The following EEF1E1 variants were observed in gnomAD, a reference collection of about 807,000 sequenced individuals.
EEF1E1 encodes eukaryotic translation elongation factor 1 epsilon-1.
A neutral mutation model predicts 19.9 loss-of-function variants in EEF1E1; 19 were observed. The observed-to-expected ratio is 0.95, with a 90% CI of 0.66 to 1.40. The LOEUF (loss-of-function observed/expected upper bound fraction) is 1.40, where lower values mean the gene tolerates loss of function less well. Among genes scored for constraint, EEF1E1 ranks in the 40% most tolerant of loss-of-function variants. The pLI is 0.00. For synonymous variants in EEF1E1, 81 were observed against 80.0 expected, an observed-to-expected ratio of 1.01 and a Z score of -0.07; for missense variants, 198 against 202.2, an observed-to-expected ratio of 0.98 and a Z score of 0.13.
At chr6:8,087,243 G>T (rs1757883694) in intron 3 of EEF1E1, among the ~76,000 whole-genome samples, 1 of 152,174 alleles carries the variant, frequency 6.6e-6, no homozygotes, top group African/African-American at 2.4e-5. Context: ...TTAAGACAGG[G>T]TTTCACTCTT....
Position 8,097,412 on chromosome 6 carries a change from G to T in EEF1E1, c.143C>A (p.Ala48Glu). ...GTTGGCTTGCTTGACTAGATGAGCT[G>T]CTATAGTAGTCAATCCTGTTAGACT... ...GPSLTGLTTI[A>E]AHLVKQANKE... is the part of the protein sequence containing the mutation. The change falls in exon 2 of 4, where the codon GCA becomes GAA. Residue 48 changes from alanine to glutamate, a missense_variant. Coordinates refer to ENST00000379715, the MANE Select transcript of EEF1E1 (RefSeq NM_004280.5). 1 of 1,614,098 alleles carries T rather than the reference G, an allele frequency of 6.2e-7. No individual in the cohort carries two copies. The highest frequency in any genetic ancestry group is 8.5e-7 in the Non-Finnish European group (1 of 1,180,016).
intron 1 of EEF1E1, chr6:8,102,105 G>A: frequency 8.0e-7 from 1 of 1,251,102 alleles, no homozygotes; most frequent in Non-Finnish European, 1.0e-6. Context: ...AAAAAAGCCA[G>A]TTACTGAATA....
At chr6:8,087,309 C>T (rs1330774340) in intron 3 of EEF1E1, among the ~76,000 whole-genome samples, 1 of 152,234 alleles carries the variant, frequency 6.6e-6, no homozygotes, top group African/African-American at 2.4e-5. Context: ...CCTCTTCCTC[C>T]TGGGTTCAAG....
Position 8,101,580 on chromosome 6 carries a change from T to C in EEF1E1, c.87+855A>G, listed in dbSNP as rs369692025. Among the ~76,000 whole-genome samples the C allele has an allele frequency of 2.4e-4, 36 of 151,474 alleles. No homozygotes were observed. The East Asian group carries it at 3.7e-3, about 16-fold the overall frequency. On this transcript the variant is annotated intron_variant, in intron 1 of 3. Transcript: ENST00000379715. ...AGACAAGATCTTCACATGGACCAAA[T>C]GAAGAAGAGAAAAAATTAAAGACAA... is the stretch of plus-strand genomic sequence containing the variant.
At chr6:8,089,781 G>C (rs1429665767) in intron 3 of EEF1E1, among the ~76,000 whole-genome samples, 1 of 152,112 alleles carries the variant, frequency 6.6e-6, no homozygotes, top group Non-Finnish European at 1.5e-5. Flanking sequence ...AAGATCTAGA[G>C]GTGGAATGGT....
chr6:8,097,416 T>C lies in EEF1E1; in HGVS notation c.139A>G (p.Ile47Val), dbSNP rs766664111. ...GCTTGCTTGACTAGATGAGCTGCTA[T>C]AGTAGTCAATCCTGTTAGACTTGGA... Reference protein sequence around the residue: ...NGPSLTGLTTIAAHLVKQANK... With the variant: ...NGPSLTGLTTVAAHLVKQANK... The change falls in exon 2 of 4, where the codon ATA becomes GTA. Residue 47 changes from isoleucine (I) to valine (V), a missense_variant. Transcript: ENST00000379715. 5 of 1,614,138 alleles carry C rather than the reference T, an allele frequency of 3.1e-6. No individual in the cohort carries two copies. Among genetic ancestry groups the C allele is most frequent in the Admixed American group, 1.7e-5 (1 of 60,012 alleles).
In EEF1E1 at chr6:8,087,077, A is replaced by G. The variant is rs115880635; in HGVS notation, c.384+3109T>C. 1.8e-3 allele frequency among the ~76,000 whole-genome samples: 272 copies of G among 152,214 alleles called. 3 individuals are homozygous for G. Among genetic ancestry groups the G allele is most frequent in the African/African-American group, 6.3e-3 (261 of 41,532 alleles). On this transcript the variant is annotated intron_variant, in intron 3 of 3. Coordinates refer to ENST00000379715, the MANE Select transcript of EEF1E1 (RefSeq NM_004280.5). ...TACTTGGGAAATGCAAATGAAGTGGAGAGGAAGGGAAGGGCTGGGACCAGG... is the reference window on the plus strand; with the variant it reads ...TACTTGGGAAATGCAAATGAAGTGGGGAGGAAGGGAAGGGCTGGGACCAGG...
Position 8,073,387 on chromosome 6 carries a change from CATGTAGAGTA to C in EEF1E1, c.*78_*87del, listed in dbSNP as rs1272622999. On this transcript the variant is annotated 3_prime_UTR_variant, in exon 4 of 4. Transcript: ENST00000429723. ...AATTAAGCAGAATTTTATGGCACTCCATGTAGAGTAGTTTACAGGTAAGTTTGAGCCAGAC... is the reference window on the plus strand; with the variant it reads ...AATTAAGCAGAATTTTATGGCACTCCGTTTACAGGTAAGTTTGAGCCAGAC... The C allele has an allele frequency of 1.3e-5, 20 of 1,494,400 alleles. 1 individual carries two copies. Among genetic ancestry groups the C allele is most frequent in the Non-Finnish European group, 2.7e-6 (3 of 1,115,248 alleles). 92.6% of individuals were successfully genotyped at this position (1,494,400 alleles called of 1,614,324 possible).
chr6:8,087,957 A>G (rs1257387071), intron 3 of EEF1E1, among the ~76,000 whole-genome samples: 1 of 152,168 alleles, frequency 6.6e-6, no homozygotes, highest in Non-Finnish European at 1.5e-5. Flanking sequence ...TTGTAGGCAG[A>G]GAGATGGTCA....
chr6:8,082,736 C>A (rs1010459043), intron 3 of EEF1E1, among the ~76,000 whole-genome samples: 2 of 152,186 alleles, frequency 1.3e-5, no homozygotes, highest in Non-Finnish European at 2.9e-5. Flanking sequence ...CCACTTTCAC[C>A]TCTTTTTACA....
In EEF1E1 at chr6:8,079,662, T is replaced by C. The variant is rs1287488928; in HGVS notation, c.*228A>G. The C allele has an allele frequency of 4.1e-6, 5 of 1,207,044 alleles. No homozygotes were observed. The East Asian group carries it at 1.3e-4, about 32-fold the overall frequency. The allele number at this position is 1,207,044 out of a possible 1,614,324, so 74.8% of individuals were successfully genotyped here. ...ATCTACTAAAAACAAGGTTAATTTA[T>C]AACTGGATCTCAACTTGTTTAATAG... On this transcript the variant is annotated 3_prime_UTR_variant, in exon 4 of 4. Transcript: ENST00000379715.
At position 8,102,293 on chromosome 6, in the gene EEF1E1, G is replaced by A. The variant is rs1406438235; in HGVS notation, c.87+142C>T. On this transcript the variant is annotated intron_variant, in intron 1 of 3. Transcript: ENST00000379715. ...GGGCCGAGGCCCAGAGGCGCCAGCC[G>A]GCTAGCGGCGCAGACACGTGGGGAG... is the stretch of plus-strand genomic sequence containing the variant. 10 of 992,458 alleles carry A rather than the reference G, an allele frequency of 1.0e-5. No individual in the cohort carries two copies. The South Asian group carries it at 1.1e-4, about 11-fold the overall frequency. The allele number at this position is 992,458 out of a possible 1,614,324, so 61.5% of individuals were successfully genotyped here. A position where few individuals can be genotyped will look rare whatever the true frequency, so the allele number is the denominator to read the frequency against.
chr6:8,073,432 T>G lies in EEF1E1; in HGVS notation c.*43A>C, dbSNP rs1172404618. The G allele has an allele frequency of 5.2e-6, 8 of 1,550,740 alleles. No individual in the cohort carries two copies. In the African/African-American group the frequency reaches 1.1e-4, roughly 21 times the overall value. ...TAAGTTTGAGCCAGACATTTGTGTT[T>G]GAATCTCAGTTCCTTGATCTCAGTT... On this transcript the variant is annotated 3_prime_UTR_variant, in exon 4 of 4. Coordinates refer to the EEF1E1 transcript ENST00000429723.
chr6:8,092,010 T>C (rs965009943), intron 2 of EEF1E1, among the ~76,000 whole-genome samples: 3 of 152,216 alleles, frequency 2.0e-5, no homozygotes, highest in Admixed American at 6.5e-5. Flanking sequence ...GCAGATGCAG[T>C]GTCTGGTAAG....
In EEF1E1 at chr6:8,097,350, C is replaced by T. The variant is rs370337321; in HGVS notation, c.205G>A (p.Ala69Thr). ...YLLGSTAEEKAIVQQWLEYRV... is the reference protein window; with the variant it reads ...YLLGSTAEEKTIVQQWLEYRV... ...TATTCTAACCACTGCTGAACGATTG[C>T]TTTTTCTTCTGCAGTACTCCCCAGC... is the stretch of plus-strand genomic sequence containing the variant. The change falls in exon 2 of 4, where the codon GCA becomes ACA. Residue 69 changes from alanine (A) to threonine (T), a missense_variant. Ala to Thr is a moderately conservative substitution (Grantham distance 58). Coordinates refer to ENST00000379715, the MANE Select transcript of EEF1E1 (RefSeq NM_004280.5). 2.6e-5 allele frequency: 42 copies of T among 1,614,036 alleles called. No homozygotes were observed. In the Middle Eastern group the frequency reaches 1.6e-3, roughly 63 times the overall value.
At chr6:8,093,495 C>T (rs1264383617) in intron 2 of EEF1E1, among the ~76,000 whole-genome samples, 2 of 151,960 alleles carry the variant, frequency 1.3e-5, no homozygotes, top group African/African-American at 2.4e-5. Flanking sequence ...TCCATCTAGA[C>T]TCAACAAATG....
chr6:8,091,061 G>A (rs1376249790), intron 2 of EEF1E1, among the ~76,000 whole-genome samples: 1 of 152,168 alleles, frequency 6.6e-6, no homozygotes, highest in Non-Finnish European at 1.5e-5. Flanking sequence ...ACAATTGCTG[G>A]ACCATATGGT....
At chr6:8,097,547 C>T in intron 1 of EEF1E1, 80 bp from the exon 2 acceptor site, 2 of 1,114,850 alleles carry the variant, frequency 1.8e-6, no homozygotes, top group Non-Finnish European at 2.5e-6. Context: ...ACCACGAAAT[C>T]CCTCAAGTGT....
chr6:8,101,243 A>AAAAAATAT (rs1271033598), intron 1 of EEF1E1, among the ~76,000 whole-genome samples: 18 of 58,464 alleles, frequency 3.1e-4, no homozygotes, highest in South Asian at 7.4e-4. Flanking sequence ...AAAAAAAAAA[A>AAAAAATAT]ATATATATAT....
Sources: allele counts gnomAD v4.1 joint callset (sites outside exome capture counted in the v4.1 genomes callset), GRCh38; gene constraint gnomAD v4.1.1; transcripts MANE v1.5; gene names NCBI Gene and HGNC (gene_info 2026-07-23, HGNC 2026-07-21).